Variants in RARB observed in about 807,000 individuals in gnomAD.
RARB encodes the protein HBV-activated protein.
RARB carries 17 observed loss-of-function variants against 51.9 expected under a neutral mutation model. That is an observed-to-expected ratio of 0.33 (90% CI 0.22 to 0.49). The LOEUF is 0.49. Ranked by LOEUF, RARB falls within the 20% of genes least tolerant of loss-of-function variation. RARB has a pLI of 0.99. For missense variants in RARB, 369 were observed against 550.8 expected, an observed-to-expected ratio of 0.67 and a Z score of 3.30; for synonymous variants, 215 against 195.4, an observed-to-expected ratio of 1.10 and a Z score of -0.84.
chr3:25,176,432 T>G (rs578050024), intron 5 of RARB, among the ~76,000 whole-genome samples: 4 of 149,848 alleles, frequency 2.7e-5, no homozygotes, highest in African/African-American at 9.9e-5. Context: ...TATCTCGCTC[T>G]GTCGCCGGGC....
chr3:25,015,983 CA>C (rs1255442449), intron 2 of RARB, among the ~76,000 whole-genome samples: 1 of 152,132 alleles, frequency 6.6e-6, no homozygotes, highest in African/African-American at 2.4e-5. Context: ...AAACATTGTA[CA>C]AAAACTTGGA....
At chr3:25,100,751 A>G (rs981890996) in intron 3 of RARB, among the ~76,000 whole-genome samples, 9 of 152,146 alleles carry the variant, frequency 5.9e-5, no homozygotes, top group Non-Finnish European at 1.0e-4. Context: ...ATACTAGGAG[A>G]TTCCCATAGC....
At chr3:25,298,665 G>T (rs1559348737) in intron 5 of RARB, among the ~76,000 whole-genome samples, 1 of 152,200 alleles carries the variant, frequency 6.6e-6, no homozygotes, top group East Asian at 1.9e-4. Flanking sequence ...GTACTTGGGT[G>T]TCTCAGGAGG....
chr3:24,958,255 G>GTTTTGTTTTTTTTTTTTTTTTTTTTTTT (rs1314564374), intron 2 of RARB, among the ~76,000 whole-genome samples: 1 of 69,444 alleles, frequency 1.4e-5, no homozygotes, highest in Non-Finnish European at 3.0e-5. Flanking sequence ...AGCTGCTCAG[G>GTTTTGTTTTTTTTTTTTTTTTTTTTTTT]TTTTTTTTTT....
chr3:25,078,984 C>T (rs1051354051), intron 3 of RARB, among the ~76,000 whole-genome samples: 1 of 151,998 alleles, frequency 6.6e-6, no homozygotes, highest in Non-Finnish European at 1.5e-5. Flanking sequence ...TTGAGGAAAA[C>T]TGACAACTTA....
At chr3:24,930,882 G>A (rs1354384992) in intron 2 of RARB, among the ~76,000 whole-genome samples, 1 of 152,040 alleles carries the variant, frequency 6.6e-6, no homozygotes, top group African/African-American at 2.4e-5. Flanking sequence ...GTGTGGTGGT[G>A]CCCATTTGCA....
At chr3:25,313,942 G>C (rs1168645356) in intron 5 of RARB, among the ~76,000 whole-genome samples, 1 of 151,970 alleles carries the variant, frequency 6.6e-6, no homozygotes, top group Non-Finnish European at 1.5e-5. Context: ...GTGATGGTAT[G>C]CATCTGTAGC....
intron 2 of RARB, among the ~76,000 whole-genome samples, chr3:24,959,821 C>T (rs577339878): frequency 2.0e-5 from 3 of 152,310 alleles, no homozygotes; most frequent in African/African-American, 7.2e-5. Context: ...GGAGAAGCAC[C>T]TAATCTAAGC....
chr3:25,295,884 C>T (rs953945991), intron 5 of RARB, among the ~76,000 whole-genome samples: 11 of 152,248 alleles, frequency 7.2e-5, no homozygotes, highest in South Asian at 4.1e-4. Context: ...AGCAGCTAGA[C>T]GGAGAATTCT....
At chr3:25,242,961 G>C (rs968536201) in intron 5 of RARB, among the ~76,000 whole-genome samples, 1 of 152,006 alleles carries the variant, frequency 6.6e-6, no homozygotes, top group African/African-American at 2.4e-5. Flanking sequence ...TTTTCCATTT[G>C]TTTGTGTCCT....
At chr3:25,470,687 A>T (rs1431634205) in intron 2 of RARB, among the ~76,000 whole-genome samples, 1 of 152,180 alleles carries the variant, frequency 6.6e-6, no homozygotes, top group Non-Finnish European at 1.5e-5. Flanking sequence ...TATTAAAGAC[A>T]CTCAAAAGGA....
intron 2 of RARB, among the ~76,000 whole-genome samples, chr3:24,968,507 G>T (rs907940542): frequency 2.0e-5 from 3 of 152,106 alleles, no homozygotes; most frequent in African/African-American, 4.8e-5. Flanking sequence ...GTTCTGGGCT[G>T]GGATCAGTTG....
At chr3:25,167,665 G>A (rs1373133713) in intron 4 of RARB, among the ~76,000 whole-genome samples, 1 of 152,192 alleles carries the variant, frequency 6.6e-6, no homozygotes, top group Non-Finnish European at 1.5e-5. Context: ...TCCCTGGTAA[G>A]AAAGGTAAAT....
intron 3 of RARB, among the ~76,000 whole-genome samples, chr3:25,115,911 A>G (rs147253573): frequency 5.3e-5 from 8 of 152,218 alleles, no homozygotes; most frequent in African/African-American, 1.9e-4. Flanking sequence ...GGTTACAGGC[A>G]TGAGGCTCCA....
exon 4 of RARB, among the ~76,000 whole-genome samples, chr3:25,132,208 G>A (rs2125333490): frequency 6.6e-6 from 1 of 151,762 alleles, no homozygotes; most frequent in South Asian, 2.1e-4. Context: ...GAATCCAAGT[G>A]GTAAGTCTTT....
intron 5 of RARB, among the ~76,000 whole-genome samples, chr3:25,223,711 AAAGAG>A (rs1701995963): frequency 6.6e-6 from 1 of 152,070 alleles, no homozygotes; most frequent in Non-Finnish European, 1.5e-5. Flanking sequence ...AGTAAAATAT[AAAGAG>A]AAAAGTTCCA....
At chr3:25,235,391 G>C (rs1702279213) in intron 5 of RARB, among the ~76,000 whole-genome samples, 2 of 152,118 alleles carry the variant, frequency 1.3e-5, no homozygotes, top group Admixed American at 1.3e-4. Context: ...TAGAATAATA[G>C]TAGATTCAGA....
intron 5 of RARB, among the ~76,000 whole-genome samples, chr3:25,389,300 G>C (rs2125485765): frequency 6.6e-6 from 1 of 152,258 alleles, no homozygotes; most frequent in South Asian, 2.1e-4. Flanking sequence ...GATAGCATTA[G>C]TGTACATTGC....
chr3:25,125,153 C>T (rs535448246), intron 3 of RARB, among the ~76,000 whole-genome samples: 4 of 152,260 alleles, frequency 2.6e-5, no homozygotes, highest in South Asian at 4.1e-4. Context: ...ACACTCTACC[C>T]AGACACATAC....
Sources: allele counts gnomAD v4.1 joint callset (sites outside exome capture counted in the v4.1 genomes callset), GRCh38; gene constraint gnomAD v4.1.1; transcripts MANE v1.5; gene names NCBI Gene and HGNC (gene_info 2026-07-23, HGNC 2026-07-21).